The following RAVER2 variants were observed in gnomAD, a reference collection of about 807,000 sequenced individuals.
The protein encoded by RAVER2 is ribonucleoprotein PTB-binding 2.
Under a neutral mutation model 78.1 loss-of-function variants are expected in RAVER2, and 46 were observed. The observed-to-expected ratio is 0.59, with a 90% CI of 0.46 to 0.75. The LOEUF (loss-of-function observed/expected upper bound fraction) is 0.75, where lower values mean the gene tolerates loss of function less well. Ranked by LOEUF, RAVER2 falls within the 30% of genes least tolerant of loss-of-function variation. The probability of loss-of-function intolerance (pLI) is 0.00; values close to 1 mark genes in which losing one functional copy is unlikely to be tolerated. For missense variants in RAVER2, 793 were observed against 837.5 expected, an observed-to-expected ratio of 0.95 and a Z score of 0.66; for synonymous variants, 311 against 313.3, an observed-to-expected ratio of 0.99 and a Z score of 0.08.
intron 5 of RAVER2, among the ~76,000 whole-genome samples, chr1:64,790,947 C>T (rs1198353872): frequency 1.3e-5 from 2 of 152,208 alleles, no homozygotes; most frequent in Non-Finnish European, 2.9e-5. Flanking sequence ...GACCTAGACA[C>T]AAGTTCGGGG....
chr1:64,785,789 T>G (rs1652764950), intron 4 of RAVER2, among the ~76,000 whole-genome samples: 1 of 152,182 alleles, frequency 6.6e-6, no homozygotes, highest in African/African-American at 2.4e-5. Flanking sequence ...GTCTGCCTTT[T>G]TGCATTAGGA....
Position 64,806,283 on chromosome 1 carries a change from C to T in RAVER2, c.1412-923C>T, listed in dbSNP as rs372017623. 7.2e-5 allele frequency among the ~76,000 whole-genome samples: 11 copies of T among 152,246 alleles called. No homozygotes were observed. The East Asian group carries it at 7.7e-4, about 11-fold the overall frequency. ...AAAATTAGCCAGGCATGCTGGCACA[C>T]GCCTGTGGTCCCAGCTACTCAGGAG... is the stretch of plus-strand genomic sequence containing the variant. On this transcript the variant is annotated intron_variant, in intron 8 of 11. Coordinates refer to ENST00000294428, the Ensembl canonical transcript of RAVER2.
rs998125 is a variant in RAVER2, at chr1:64,745,838, A to G, written c.249+417A>G. Reference sequence around the variant, plus strand: ...CACCTTGGCAGGGGCGAGGGCTCCAACGTATAGTCCCCGGTGCTCGGGAGT... The same window carrying G: ...CACCTTGGCAGGGGCGAGGGCTCCAGCGTATAGTCCCCGGTGCTCGGGAGT... On this transcript the variant is annotated intron_variant, in intron 1 of 11. Coordinates refer to ENST00000294428, the Ensembl canonical transcript of RAVER2. The surrounding 1 kb of genome is among the most constrained non-coding windows in gnomAD (Gnocchi z 4.3). Among the ~76,000 whole-genome samples the G allele has an allele frequency of 0.12, 18,746 of 152,102 alleles. 1,352 individuals carry two copies. Among genetic ancestry groups the G allele is most frequent in the East Asian group, 0.28 (1,420 of 5,134 alleles).
At chr1:64,779,835 T>A (rs1652581253) in intron 3 of RAVER2, among the ~76,000 whole-genome samples, 1 of 151,584 alleles carries the variant, frequency 6.6e-6, no homozygotes, top group African/African-American at 2.4e-5. Flanking sequence ...TTACATGTCA[T>A]AGAAAATATT....
intron 1 of RAVER2, among the ~76,000 whole-genome samples, chr1:64,754,399 T>G (rs1287925512): frequency 6.6e-5 from 10 of 152,226 alleles, no homozygotes. Flanking sequence ...ACTGACACAT[T>G]GTTTGAAGAG....
chr1:64,761,870 G>A (rs1377777461), intron 1 of RAVER2, among the ~76,000 whole-genome samples: 1 of 152,128 alleles, frequency 6.6e-6, no homozygotes, highest in Non-Finnish European at 1.5e-5. Context: ...CGGACTTGGG[G>A]AGGCCGAGGC....
chr1:64,826,641 TAGAA>T, intron 11 of RAVER2, among the ~76,000 whole-genome samples: 1 of 152,158 alleles, frequency 6.6e-6, no homozygotes. Context: ...TACTCTAAGA[TAGAA>T]AGCCACTGGG....
intron 5 of RAVER2, among the ~76,000 whole-genome samples, chr1:64,795,017 T>A (rs898751462): frequency 6.7e-6 from 1 of 149,720 alleles, no homozygotes; most frequent in Non-Finnish European, 1.5e-5. Context: ...AGAGTCCAGA[T>A]TTTTTTTTTA....
chr1:64,774,316 AC>A (rs1162324067), intron 2 of RAVER2, among the ~76,000 whole-genome samples: 4 of 152,140 alleles, frequency 2.6e-5, no homozygotes, highest in African/African-American at 9.7e-5. Flanking sequence ...TTTAGGTCTT[AC>A]GTTTAAGTCT....
intron 4 of RAVER2, among the ~76,000 whole-genome samples, chr1:64,782,307 T>C (rs1652653054): frequency 6.6e-6 from 1 of 152,248 alleles, no homozygotes; most frequent in Non-Finnish European, 1.5e-5. Flanking sequence ...TACTCATTCT[T>C]CTCTACTTCT....
chr1:64,759,508 C>T (rs562739194), intron 1 of RAVER2, among the ~76,000 whole-genome samples: 544 of 149,792 alleles, frequency 3.6e-3, no homozygotes, highest in South Asian at 6.5e-3. Flanking sequence ...CGTGAGCCAC[C>T]GCGCCCGGCC....
chr1:64,807,526 A>G (rs781624447), intron 9 of RAVER2, 52 bp downstream of exon 9: 10 of 1,452,722 alleles, frequency 6.9e-6, no homozygotes, highest in Non-Finnish European at 2.8e-6. Flanking sequence ...ATATGTATAT[A>G]TATTCCTTTT....
intron 11 of RAVER2, among the ~76,000 whole-genome samples, chr1:64,826,588 G>GA (rs1654008498): frequency 6.6e-6 from 1 of 152,202 alleles, no homozygotes; most frequent in African/African-American, 2.4e-5. Context: ...AGAGGGCACA[G>GA]ACAATTTAGG....
At chr1:64,784,993 C>T (rs1247986310) in intron 4 of RAVER2, among the ~76,000 whole-genome samples, 6 of 152,168 alleles carry the variant, frequency 3.9e-5, no homozygotes, top group African/African-American at 1.4e-4. Flanking sequence ...CCATCTTGCA[C>T]AGTGCACAGG....
At position 64,773,611 on chromosome 1, in the gene RAVER2, T is replaced by C. The variant is rs375601037; in HGVS notation, c.317-4012T>C. On this transcript the variant is annotated intron_variant, in intron 2 of 11. Transcript: ENST00000294428. ...GACATTTGGGTTGGATCCAAGTCTT[T>C]GCTATTGTAAATAGTGCTGCAATAA... Among the ~76,000 whole-genome samples the C allele has an allele frequency of 2.1e-4, 32 of 152,348 alleles. 7 individuals are homozygous for C. The highest frequency in any genetic ancestry group is 3.9e-4 in the Admixed American group (6 of 15,302).
intron 5 of RAVER2, among the ~76,000 whole-genome samples, chr1:64,800,355 C>T (rs562343094): frequency 7.9e-5 from 12 of 152,226 alleles, no homozygotes; most frequent in Admixed American, 7.9e-4. Flanking sequence ...CCCATAACAT[C>T]TTTGCCCAGA....
At chr1:64,791,600 G>A (rs1325313262) in intron 5 of RAVER2, among the ~76,000 whole-genome samples, 1 of 152,172 alleles carries the variant, frequency 6.6e-6, no homozygotes, top group Non-Finnish European at 1.5e-5. Flanking sequence ...TTATTTGTGT[G>A]TAAGAAGCAG....
At chr1:64,770,032 C>T (rs138589219) in intron 2 of RAVER2, among the ~76,000 whole-genome samples, 2 of 152,124 alleles carry the variant, frequency 1.3e-5, no homozygotes, top group East Asian at 3.9e-4. Flanking sequence ...TAAGCTACTA[C>T]ATGTAATTAT....
At chr1:64,752,084 T>C (rs1044660285) in intron 1 of RAVER2, among the ~76,000 whole-genome samples, 1 of 152,202 alleles carries the variant, frequency 6.6e-6, no homozygotes, top group Non-Finnish European at 1.5e-5. Context: ...CCTTGGTGGT[T>C]GTGCTGAATA....
Sources: allele counts gnomAD v4.1 joint callset (sites outside exome capture counted in the v4.1 genomes callset), GRCh38; gene constraint gnomAD v4.1.1; non-coding constraint Gnocchi (gnomAD v3.1); transcripts MANE v1.5; gene names NCBI Gene and HGNC (gene_info 2026-07-23, HGNC 2026-07-21).